Variants in LDLRAD4 observed in about 807,000 individuals in gnomAD.
The protein encoded by LDLRAD4 is low density lipoprotein receptor class A domain containing 4, also known as low-density lipoprotein receptor class A domain-containing protein 4.
In LDLRAD4, 5 loss-of-function variants were observed where a neutral mutation model predicts 17.0. The observed-to-expected ratio is 0.29, with a 90% CI of 0.15 to 0.62. LDLRAD4 has a LOEUF of 0.62. Among genes scored for constraint, LDLRAD4 ranks in the 20% least tolerant of loss-of-function variants. The probability of loss-of-function intolerance (pLI) is 0.84; values close to 1 mark genes in which losing one functional copy is unlikely to be tolerated. For synonymous variants in LDLRAD4, 168 were observed against 171.8 expected, an observed-to-expected ratio of 0.98 and a Z score of 0.17; for missense variants, 340 against 424.7, an observed-to-expected ratio of 0.80 and a Z score of 1.75.
At chr18:13,338,597 C>T (rs187052379) in intron 1 of LDLRAD4, among the ~76,000 whole-genome samples, 83 of 152,256 alleles carry the variant, frequency 5.5e-4, no homozygotes, top group Non-Finnish European at 1.1e-3. Context: ...TGAACTGTGC[C>T]CCATCCTCTG....
At chr18:13,494,708 G>GTA (rs914567678) in intron 3 of LDLRAD4, among the ~76,000 whole-genome samples, 1 of 21,962 alleles carries the variant, frequency 4.6e-5, no homozygotes, top group African/African-American at 1.5e-4. Context: ...TATATTCAGT[G>GTA]TATATATACA....
At chr18:13,374,658 G>A (rs1042804485) in intron 1 of LDLRAD4, among the ~76,000 whole-genome samples, 6 of 152,192 alleles carry the variant, frequency 3.9e-5, no homozygotes, top group Admixed American at 6.5e-5. Flanking sequence ...CCCCAGCCCC[G>A]ACAGATAGTG....
At chr18:13,523,141 A>G (rs1399243805) in intron 3 of LDLRAD4, among the ~76,000 whole-genome samples, 1 of 152,152 alleles carries the variant, frequency 6.6e-6, no homozygotes, top group Non-Finnish European at 1.5e-5. Flanking sequence ...CCACCCCAAG[A>G]TGTGCACACC....
At chr18:13,297,513 G>T (rs1368057474) in intron 1 of LDLRAD4, among the ~76,000 whole-genome samples, 2 of 152,202 alleles carry the variant, frequency 1.3e-5, no homozygotes, top group Non-Finnish European at 1.5e-5. Context: ...TTTAATGTTG[G>T]GCCCAGTGCA....
chr18:13,246,136 C>T (rs534747346), intron 1 of LDLRAD4, among the ~76,000 whole-genome samples: 11 of 152,332 alleles, frequency 7.2e-5, no homozygotes, highest in South Asian at 6.2e-4. Context: ...TTAAAGTGTG[C>T]GAACAACGAT....
intron 1 of LDLRAD4, among the ~76,000 whole-genome samples, chr18:13,340,644 A>G (rs988133333): frequency 6.6e-6 from 1 of 152,186 alleles, no homozygotes; most frequent in African/African-American, 2.4e-5. Context: ...ATAATCAGAT[A>G]TGTGATTTGA....
At chr18:13,384,742 CT>C (rs2085661275) in intron 1 of LDLRAD4, among the ~76,000 whole-genome samples, 1 of 152,130 alleles carries the variant, frequency 6.6e-6, no homozygotes, top group African/African-American at 2.4e-5. Flanking sequence ...TAGTATTTGT[CT>C]TTCAATTCCT....
At chr18:13,337,739 G>GGAAAAAAAAAAAA (rs1491429518) in intron 1 of LDLRAD4, among the ~76,000 whole-genome samples, 2 of 28,252 alleles carry the variant, frequency 7.1e-5, no homozygotes, top group Admixed American at 4.9e-4. Flanking sequence ...TTTACAAAAA[G>GGAAAAAAAAAAAA]TAAAAAAAAA....
chr18:13,517,831 C>T (rs772331936), intron 3 of LDLRAD4, among the ~76,000 whole-genome samples: 56 of 152,132 alleles, frequency 3.7e-4, no homozygotes, highest in Non-Finnish European at 6.6e-4. Flanking sequence ...CTCTGCCTCC[C>T]GGGCTCATGC....
At chr18:13,585,727 A>C (rs1329047935) in intron 3 of LDLRAD4, among the ~76,000 whole-genome samples, 1 of 152,228 alleles carries the variant, frequency 6.6e-6, no homozygotes, top group African/African-American at 2.4e-5. Flanking sequence ...CAATTGCTAC[A>C]TCAACCAAAA....
chr18:13,265,329 C>T (rs2044154688), intron 1 of LDLRAD4, among the ~76,000 whole-genome samples: 1 of 152,186 alleles, frequency 6.6e-6, no homozygotes, highest in African/African-American at 2.4e-5. Flanking sequence ...CTTTGAAGGT[C>T]AACGCCAAAC....
chr18:13,624,470 C>T (rs1240400812), intron 4 of LDLRAD4, among the ~76,000 whole-genome samples: 1 of 152,272 alleles, frequency 6.6e-6, no homozygotes, highest in Non-Finnish European at 1.5e-5. Context: ...ACCAGCAGCA[C>T]CTGCAGTCCC....
intron 3 of LDLRAD4, among the ~76,000 whole-genome samples, chr18:13,505,233 T>C (rs955292274): frequency 6.6e-6 from 1 of 152,154 alleles, no homozygotes; most frequent in Non-Finnish European, 1.5e-5. Flanking sequence ...CTAGTCCCAA[T>C]AGGAACAGAA....
At chr18:13,239,327 C>T (rs2042507470) in intron 1 of LDLRAD4, among the ~76,000 whole-genome samples, 1 of 152,084 alleles carries the variant, frequency 6.6e-6, no homozygotes, top group Non-Finnish European at 1.5e-5. Context: ...TGAGATTAGC[C>T]TGCTGAGCTC....
At chr18:13,348,981 C>G (rs2082877639) in intron 1 of LDLRAD4, among the ~76,000 whole-genome samples, 1 of 152,214 alleles carries the variant, frequency 6.6e-6, no homozygotes, top group Non-Finnish European at 1.5e-5. Flanking sequence ...TCACCCCTTT[C>G]CTTGACTAGG....
intron 1 of LDLRAD4, among the ~76,000 whole-genome samples, chr18:13,227,934 A>C (rs1375177538): frequency 2.0e-5 from 3 of 152,202 alleles, no homozygotes; most frequent in African/African-American, 7.2e-5. Flanking sequence ...GTATCAGCAC[A>C]GTTCTGTGTT....
chr18:13,611,643 A>T, intron 3 of LDLRAD4: 1 of 985,106 alleles, frequency 1.0e-6, no homozygotes, highest in Non-Finnish European at 1.2e-6. Flanking sequence ...CTAATTTCTG[A>T]TCCTTATAAA....
At chr18:13,247,271 G>T (rs1017991229) in intron 1 of LDLRAD4, among the ~76,000 whole-genome samples, 22 of 152,184 alleles carry the variant, frequency 1.4e-4, no homozygotes, top group Non-Finnish European at 2.9e-5. Context: ...GACTTACGAA[G>T]ATTGTGCAGA....
intron 1 of LDLRAD4, among the ~76,000 whole-genome samples, chr18:13,261,562 TC>T (rs2043815858): frequency 1.3e-5 from 2 of 152,194 alleles, no homozygotes; most frequent in Admixed American, 1.3e-4. Flanking sequence ...GGGGGTTGTA[TC>T]CCTAACCTCA....
Sources: gnomAD v4.1 joint callset for allele counts (sites outside exome capture counted in the v4.1 genomes callset) on GRCh38, gnomAD v4.1.1 for gene constraint, MANE v1.5 for transcripts, NCBI Gene and HGNC (gene_info 2026-07-23, HGNC 2026-07-21) for gene names.